RGPD8: variants seen among roughly 807,000 people sequenced by gnomAD.
RGPD8 encodes RANBP2 like and GRIP domain containing 8.
Under a neutral mutation model 89.1 loss-of-function variants are expected in RGPD8, and 15 were observed. The ratio of observed to expected loss-of-function variants is 0.17; its 90% CI spans 0.11 to 0.26. The LOEUF (loss-of-function observed/expected upper bound fraction) is 0.26, where lower values mean the gene tolerates loss of function less well. Ranked by LOEUF, RGPD8 falls within the 10% of genes least tolerant of loss-of-function variation. RGPD8 has a pLI of 1.00. For synonymous variants in RGPD8, 62 were observed against 420.9 expected (o/e 0.15, Z 10.44); for missense variants, 178 against 1,179.6 (o/e 0.15, Z 12.44).
At chr2:112,429,192 G>A (rs1470008874) in intron 1 of RGPD8, among the ~76,000 whole-genome samples, 3 of 151,762 alleles carry the variant, frequency 2.0e-5, no homozygotes, top group East Asian at 1.9e-4. Flanking sequence ...AGGCTGAGGC[G>A]GGCGGATCAT....
At chr2:112,411,032 C>A (rs1241323031) in intron 7 of RGPD8, among the ~76,000 whole-genome samples, 1 of 151,978 alleles carries the variant, frequency 6.6e-6, no homozygotes, top group Non-Finnish European at 1.5e-5. Flanking sequence ...TTGCAGTGAG[C>A]CAGATGGCGC....
At chr2:112,413,121 CTTTTTTT>C (rs780878782) in intron 6 of RGPD8, among the ~76,000 whole-genome samples, 1 of 125,970 alleles carries the variant, frequency 7.9e-6, no homozygotes, top group African/African-American at 3.3e-5. Context: ...AATAAATTGT[CTTTTTTT>C]TTTTTTTTTT....
intron 6 of RGPD8, among the ~76,000 whole-genome samples, chr2:112,414,321 C>CA (rs1361640084): frequency 3.7e-5 from 4 of 108,276 alleles, no homozygotes. Context: ...ACTAAAAATA[C>CA]AAAAAATTAG....
At chr2:112,422,496 G>A in intron 3 of RGPD8, 52 bp downstream of exon 3, 1 of 1,596,220 alleles carries the variant, frequency 6.3e-7, no homozygotes, top group African/African-American at 1.4e-5. Context: ...AAATTTCTCT[G>A]GGCATCATGT....
At chr2:112,410,717 G>C (rs1304901394) in intron 7 of RGPD8, among the ~76,000 whole-genome samples, 1 of 151,398 alleles carries the variant, frequency 6.6e-6, no homozygotes, top group Non-Finnish European at 1.5e-5. Context: ...GACACAGGTT[G>C]CAGTGAGCTG....
chr2:112,390,212 T>G lies in RGPD8; in HGVS notation c.2733A>C (p.Glu911Asp), dbSNP rs1212946136. 1 of 1,573,472 alleles carries G rather than the reference T, an allele frequency of 6.4e-7. No individual in the cohort carries two copies. Among genetic ancestry groups the G allele is most frequent in the Non-Finnish European group, 8.7e-7 (1 of 1,154,962 alleles). Residue 911 changes from glutamate to aspartate, a missense_variant, in exon 20 of 23, where the codon GAA (glutamate) becomes GAC (aspartate). Coordinates refer to ENST00000302558, the MANE Select transcript of RGPD8 (RefSeq NM_001164463.1). ...CAGCAGACACAGGGATGGAAAATCC[T>G]TCTTTGGTTGACTTAAATTCTGTAT... ...SSNTEFKSTKEGFSIPVSADG... is the reference protein window; with the variant it reads ...SSNTEFKSTKDGFSIPVSADG...
At chr2:112,415,971 TC>T (rs1430470491) in intron 6 of RGPD8, among the ~76,000 whole-genome samples, 1 of 152,080 alleles carries the variant, frequency 6.6e-6, no homozygotes, top group African/African-American at 2.4e-5. Flanking sequence ...GTGCCTGTGG[TC>T]CCAGCTACTT....
At chr2:112,419,638 A>G (rs1430881835) in intron 4 of RGPD8, among the ~76,000 whole-genome samples, 2 of 152,214 alleles carry the variant, frequency 1.3e-5, no homozygotes, top group Non-Finnish European at 2.9e-5. Flanking sequence ...AGTGCCTTCA[A>G]GTTATTAAAG....
At chr2:112,424,845 T>C (rs1338368211) in intron 1 of RGPD8, among the ~76,000 whole-genome samples, 1 of 150,254 alleles carries the variant, frequency 6.7e-6, no homozygotes, top group Middle Eastern at 3.2e-3. Context: ...GGTGGGAGGC[T>C]AGCTTTGAGG....
At chr2:112,424,661 G>A (rs1213727094) in intron 1 of RGPD8, among the ~76,000 whole-genome samples, 1 of 151,910 alleles carries the variant, frequency 6.6e-6, no homozygotes, top group Non-Finnish European at 1.5e-5. Context: ...GGAGGTTGCA[G>A]TGAGCCAGAG....
At chr2:112,430,648 T>A (rs532282916) in intron 1 of RGPD8, among the ~76,000 whole-genome samples, 15 of 152,108 alleles carry the variant, frequency 9.9e-5, no homozygotes, top group African/African-American at 3.1e-4. Context: ...AGGTTGCTTT[T>A]TTTTTTTTTT....
chr2:112,420,148 C>T (rs1473008384), intron 4 of RGPD8, among the ~76,000 whole-genome samples: 1 of 111,474 alleles, frequency 9.0e-6, no homozygotes, highest in Admixed American at 1.2e-4. Context: ...CCAGCATGGG[C>T]AACAGAGCAA....
chr2:112,426,472 A>G (rs2104835309), intron 1 of RGPD8, among the ~76,000 whole-genome samples: 1 of 149,496 alleles, frequency 6.7e-6, no homozygotes, highest in Non-Finnish European at 1.5e-5. Context: ...TCCATTCAAT[A>G]TTTTTGGACC....
At position 112,433,586 on chromosome 2, in the gene RGPD8, G is replaced by C. The variant is rs574019903; in HGVS notation, c.-133C>G. On this transcript the variant is annotated 5_prime_UTR_variant, in exon 1 of 23. Coordinates refer to ENST00000302558, the MANE Select transcript of RGPD8 (RefSeq NM_001164463.1). ...CCGGCGGAGGCCCACTGTGACGAGC[G>C]TGCGGCGCCGCCCACGGAGGCCCAC... is the stretch of plus-strand genomic sequence containing the variant. 3.5e-4 allele frequency: 338 copies of C among 964,028 alleles called. 1 individual carries two copies. Among genetic ancestry groups the C allele is most frequent in the Middle Eastern group, 3.0e-3 (9 of 2,972 alleles). 59.7% of individuals were successfully genotyped at this position (964,028 alleles called of 1,614,324 possible).
At position 112,388,019 on chromosome 2, in the gene RGPD8, C is replaced by A; in HGVS notation, c.4921+5G>T. 1.4e-6 allele frequency: 1 copy of A among 701,116 alleles called. No homozygotes were observed. Among genetic ancestry groups the A allele is most frequent in the Non-Finnish European group, 2.3e-6 (1 of 435,670 alleles). The allele number at this position is 701,116 out of a possible 1,614,324, so 43.4% of individuals were successfully genotyped here. A position where few individuals can be genotyped will look rare whatever the true frequency, so the allele number is the denominator to read the frequency against. On this transcript the variant is annotated splice_donor_5th_base_variant and intron_variant, in intron 20 of 22. Coordinates refer to ENST00000302558, the MANE Select transcript of RGPD8 (RefSeq NM_001164463.1). ...TGTGCTTAACTTTAACAACAAAGTA[C>A]CTACCCTTTTCTGGTGTTTTAAATG...
At chr2:112,409,815 T>C (rs1325475740) in intron 7 of RGPD8, among the ~76,000 whole-genome samples, 3 of 144,114 alleles carry the variant, frequency 2.1e-5, no homozygotes, top group Admixed American at 6.8e-5. Flanking sequence ...CAAAACTACA[T>C]ATCAAAAAAT....
chr2:112,416,014 C>T (rs535985658), intron 6 of RGPD8, among the ~76,000 whole-genome samples: 3 of 150,536 alleles, frequency 2.0e-5, no homozygotes, highest in Admixed American at 6.7e-5. Context: ...CGCCTGAACC[C>T]GGGAGGCGGA....
chr2:112,430,833 T>G (rs1679997676), intron 1 of RGPD8, among the ~76,000 whole-genome samples: 1 of 152,018 alleles, frequency 6.6e-6, no homozygotes, highest in Admixed American at 6.6e-5. Flanking sequence ...GGCGCATGCC[T>G]GTAGTCTCAG....
intron 20 of RGPD8, chr2:112,384,512 CTGG>C (rs1678384266): frequency 6.4e-5 from 2 of 31,188 alleles, no homozygotes; most frequent in Non-Finnish European, 1.4e-4. Flanking sequence ...CGAAACAAAT[CTGG>C]TGAATACCAG....
Sources: allele counts gnomAD v4.1 joint callset (sites outside exome capture counted in the v4.1 genomes callset), GRCh38; gene constraint gnomAD v4.1.1; transcripts MANE v1.5; gene names NCBI Gene and HGNC (gene_info 2026-07-23, HGNC 2026-07-21).